The following FIG4 variants were observed in gnomAD, a reference collection of about 807,000 sequenced individuals.
The protein encoded by FIG4 is FIG4 phosphoinositide 5-phosphatase.
A neutral mutation model predicts 118.6 loss-of-function variants in FIG4; 112 were observed. The ratio of observed to expected loss-of-function variants is 0.94; its 90% CI spans 0.81 to 1.11. FIG4 has a LOEUF of 1.11. FIG4 is among the 50% of genes least tolerant of loss of function. FIG4 has a pLI of 0.00. For missense variants in FIG4, 969 were observed against 1,111.7 expected (o/e 0.87, Z 1.83); for synonymous variants, 369 against 381.2 (o/e 0.97, Z 0.37).
Position 109,769,725 on chromosome 6 carries a change from C to A in FIG4, c.1750+2830C>A, listed in dbSNP as rs186107510. ...GCTTGGCCCAGGAGTTTGAGACCAG[C>A]CTGGGCAACATAGTGAGATCCCATC... On this transcript the variant is annotated intron_variant, in intron 15 of 22. Coordinates refer to ENST00000230124, the MANE Select transcript of FIG4 (RefSeq NM_014845.6). Among the ~76,000 whole-genome samples the A allele has an allele frequency of 3.1e-3, 465 of 151,974 alleles. 3 individuals carry two copies. Among genetic ancestry groups the A allele is most frequent in the African/African-American group, 0.011 (451 of 41,462 alleles).
At chr6:109,769,480 AT>A (rs754294293) in intron 15 of FIG4, among the ~76,000 whole-genome samples, 158 of 152,282 alleles carry the variant, frequency 1.0e-3, no homozygotes, top group South Asian at 2.3e-3. Context: ...TGTACAACTT[AT>A]TTTTAAATTA....
chr6:109,764,895 T>TTTTTG, intron 13 of FIG4, 118 bp from the exon 14 acceptor site: 3 of 811,090 alleles, frequency 3.7e-6, no homozygotes, highest in Middle Eastern at 2.6e-4. Context: ...CCCACAGACT[T>TTTTTG]TTTTTGTTTT....
chr6:109,760,367 G>T lies in FIG4; in HGVS notation c.1255G>T (p.Ala419Ser). Residue 419 changes from alanine (A) to serine (S), a missense_variant, in exon 11 of 23, where the codon GCC (alanine) becomes TCC (serine). Ala to Ser is a moderately conservative substitution (Grantham distance 99). Coordinates refer to ENST00000230124, the MANE Select transcript of FIG4 (RefSeq NM_014845.6). ...TATTGTTTATATTCCCTGGGACATGGCCAAGTATACCAAAAGGTGAATGAT... is the reference window on the plus strand; with the variant it reads ...TATTGTTTATATTCCCTGGGACATGTCCAAGTATACCAAAAGGTGAATGAT... ...HTIVYIPWDM[A>S]KYTKSKLCNV... 7.4e-6 allele frequency: 12 copies of T among 1,612,968 alleles called. No homozygotes were observed. The highest frequency in any genetic ancestry group is 1.0e-5 in the Non-Finnish European group (12 of 1,179,072).
intron 17 of FIG4, 145 bp from the exon 18 acceptor site, chr6:109,786,157 G>A: frequency 1.5e-6 from 1 of 659,640 alleles, no homozygotes; most frequent in Non-Finnish European, 2.7e-6. Context: ...CTGTGTAAGT[G>A]TTGGAGGCAG....
rs541588421 is a variant in FIG4, at chr6:109,761,447, G to A, written c.1272-644G>A. 9.2e-5 allele frequency among the ~76,000 whole-genome samples: 14 copies of A among 152,042 alleles called. No individual in the cohort carries two copies. The South Asian group carries it at 1.7e-3, about 18-fold the overall frequency. ...GTTGCCCAGGCTGGAGTGCAGTGGC[G>A]CAATCTCGGCTCACTGCAAACTCCA... is the stretch of plus-strand genomic sequence containing the variant. On this transcript the variant is annotated intron_variant, in intron 11 of 22. Transcript: ENST00000230124.
intron 7 of FIG4, among the ~76,000 whole-genome samples, chr6:109,738,842 A>G (rs1426067254): frequency 2.0e-5 from 3 of 152,168 alleles, no homozygotes; most frequent in Non-Finnish European, 2.9e-5. Context: ...GCAGAGAGAG[A>G]GAGATCACAG....
intron 22 of FIG4, among the ~76,000 whole-genome samples, chr6:109,801,807 T>G (rs185063850): frequency 6.6e-6 from 1 of 152,328 alleles, no homozygotes; most frequent in Non-Finnish European, 1.5e-5. Flanking sequence ...ATGTTAATTT[T>G]CAATAACACA....
intron 18 of FIG4, among the ~76,000 whole-genome samples, chr6:109,788,519 A>G (rs1778048934): frequency 6.6e-6 from 1 of 152,236 alleles, no homozygotes; most frequent in Non-Finnish European, 1.5e-5. Context: ...AGCTGAGAAC[A>G]TAAGCAAGGG....
intron 15 of FIG4, among the ~76,000 whole-genome samples, chr6:109,773,689 T>TTGAG (rs1189092551): frequency 1.3e-5 from 2 of 152,172 alleles, no homozygotes; most frequent in African/African-American, 2.4e-5. Flanking sequence ...GTTTGTTTGT[T>TTGAG]TGAGTGAAGT....
chr6:109,719,621 T>C (rs1775545987), intron 3 of FIG4, among the ~76,000 whole-genome samples: 1 of 152,102 alleles, frequency 6.6e-6, no homozygotes, highest in Non-Finnish European at 1.5e-5. Flanking sequence ...CTCAAACTGC[T>C]GAGCACAAGC....
At chr6:109,699,666 C>T (rs1213798730) in intron 1 of FIG4, among the ~76,000 whole-genome samples, 1 of 151,998 alleles carries the variant, frequency 6.6e-6, no homozygotes, top group Non-Finnish European at 1.5e-5. Context: ...CCATGCCCAG[C>T]TAATTTTTTG....
At chr6:109,776,642 T>TA (rs1218169727) in intron 15 of FIG4, among the ~76,000 whole-genome samples, 11 of 152,204 alleles carry the variant, frequency 7.2e-5, no homozygotes, top group African/African-American at 2.7e-4. Context: ...TCTGAGTTCT[T>TA]AAAGATGTTT....
intron 1 of FIG4, among the ~76,000 whole-genome samples, chr6:109,700,703 G>A (rs1424161220): frequency 6.6e-6 from 1 of 152,206 alleles, no homozygotes; most frequent in East Asian, 1.9e-4. Flanking sequence ...TGTCCACATG[G>A]GTGGCTGAGC....
chr6:109,802,786 A>G (rs1022387669), intron 22 of FIG4, among the ~76,000 whole-genome samples: 3 of 152,256 alleles, frequency 2.0e-5, no homozygotes, highest in Admixed American at 2.0e-4. Context: ...GATAAAATAA[A>G]TGCAGGCCTT....
intron 1 of FIG4, among the ~76,000 whole-genome samples, chr6:109,713,646 T>C (rs1022709268): frequency 3.3e-5 from 5 of 151,986 alleles, no homozygotes; most frequent in African/African-American, 1.2e-4. Context: ...CGTGCACTGG[T>C]AGGGCAAGGA....
Position 109,735,241 on chromosome 6 carries a change from C to T in FIG4, c.589C>T (p.Arg197Cys), listed in dbSNP as rs770528195. The change falls in exon 6 of 23, where the codon CGC becomes TGC. Residue 197 changes from arginine (R) to cysteine (C), a missense_variant. Arg to Cys is a radical substitution (Grantham distance 180). Around this residue, in one of 3 missense-constraint regions of FIG4, gnomAD observed 393 missense variants for 409.4 expected, o/e 0.96. Coordinates refer to ENST00000230124, the MANE Select transcript of FIG4 (RefSeq NM_014845.6). ...EMLKSEMTQN[R>C]QESFDIFEDE... ...GTTAAAGTCAGAAATGACCCAGAAT[C>T]GCCAAGAGAGCTTTGACATCTTTGA... 1.1e-5 allele frequency: 17 copies of T among 1,613,352 alleles called. 1 individual carries two copies. In the East Asian group the frequency reaches 1.6e-4, roughly 15 times the overall value.
At chr6:109,791,104 G>C (rs1235242840) in intron 19 of FIG4, among the ~76,000 whole-genome samples, 1 of 152,144 alleles carries the variant, frequency 6.6e-6, no homozygotes, top group African/African-American at 2.4e-5. Context: ...AGGAAGGCAT[G>C]GTAACCAAGT....
chr6:109,818,245 G>A (rs1342556309), intron 22 of FIG4, among the ~76,000 whole-genome samples: 1 of 151,762 alleles, frequency 6.6e-6, no homozygotes, highest in Non-Finnish European at 1.5e-5. Context: ...TTGTTGCCCA[G>A]GTTGGAGGGC....
Position 109,764,016 on chromosome 6 carries a change from A to C in FIG4, c.1434+34A>C. ...AGTATTACAATTCGTAATGAATAGA[A>C]TCTGTATCCATTGTGTACTGTATGT... On this transcript the variant is annotated intron_variant, in intron 13 of 22. Transcript: ENST00000230124. The C allele has an allele frequency of 1.4e-6, 2 of 1,384,812 alleles. 1 individual carries two copies. Among genetic ancestry groups the C allele is most frequent in the Non-Finnish European group, 2.1e-6 (2 of 970,714 alleles). The allele number at this position is 1,384,812 out of a possible 1,614,324, so 85.8% of individuals were successfully genotyped here.
Sources: gnomAD v4.1 joint callset for allele counts (sites outside exome capture counted in the v4.1 genomes callset) on GRCh38, gnomAD v4.1.1 for gene constraint, gnomAD v4.1.1 regional missense constraint, MANE v1.5 for transcripts, NCBI Gene and HGNC (gene_info 2026-07-23, HGNC 2026-07-21) for gene names.